Variants in PLPPR1 observed in about 807,000 individuals in gnomAD.
PLPPR1 encodes phospholipid phosphatase related 1.
PLPPR1 carries 10 observed loss-of-function variants against 33.1 expected under a neutral mutation model. The ratio of observed to expected loss-of-function variants is 0.30; its 90% confidence interval spans 0.19 to 0.51. The LOEUF (loss-of-function observed/expected upper bound fraction) is 0.51. PLPPR1 is among the 20% of genes least tolerant of loss of function. The probability of loss-of-function intolerance (pLI) is 0.97; values close to 1 mark genes in which losing one functional copy is unlikely to be tolerated. For synonymous variants in PLPPR1, 151 were observed against 151.0 expected, an observed-to-expected ratio of 1.00 and a Z score of 0.00; for missense variants, 304 against 408.1, an observed-to-expected ratio of 0.74 and a Z score of 2.20.
intron 1 of PLPPR1, among the ~76,000 whole-genome samples, chr9:101,063,089 TGAG>T (rs1375164723): frequency 1.3e-5 from 2 of 152,062 alleles, no homozygotes; most frequent in East Asian, 3.9e-4. Context: ...GTGAGATATT[TGAG>T]GAGATTATGT....
At position 101,296,313 on chromosome 9, in the gene PLPPR1, G is replaced by A. The variant is rs552043608; in HGVS notation, c.385+10077G>A. On this transcript the variant is annotated intron_variant, in intron 4 of 7. Coordinates refer to ENST00000374874, the MANE Select transcript of PLPPR1 (RefSeq NM_207299.2). ...GTCAGGAAACAACAGGTGCTGGAGA[G>A]GATGTGCAGAAATAGGAACACTTTT... is the stretch of plus-strand genomic sequence containing the variant. Among the ~76,000 whole-genome samples the A allele has an allele frequency of 6.4e-3, 972 of 151,984 alleles. 10 individuals carry two copies. The highest frequency in any genetic ancestry group is 0.023 in the African/African-American group (929 of 41,274).
At chr9:101,066,480 A>G (rs1830416413) in intron 1 of PLPPR1, among the ~76,000 whole-genome samples, 1 of 151,922 alleles carries the variant, frequency 6.6e-6, no homozygotes, top group Non-Finnish European at 1.5e-5. Flanking sequence ...GGGGAGTATC[A>G]ATTTAAGTTA....
At chr9:101,320,996 G>C (rs903535793) in intron 7 of PLPPR1, among the ~76,000 whole-genome samples, 6 of 152,088 alleles carry the variant, frequency 3.9e-5, no homozygotes, top group African/African-American at 1.4e-4. Flanking sequence ...TGCTACAGGG[G>C]GCTGGTATAC....
intron 2 of PLPPR1, among the ~76,000 whole-genome samples, chr9:101,251,239 T>C (rs922604234): frequency 7.2e-5 from 11 of 152,090 alleles, no homozygotes; most frequent in Non-Finnish European, 1.2e-4. Context: ...CTGCCTGGCA[T>C]ATAGTAGGTG....
At chr9:101,151,096 T>C (rs988665896) in intron 1 of PLPPR1, among the ~76,000 whole-genome samples, 1 of 152,144 alleles carries the variant, frequency 6.6e-6, no homozygotes, top group Non-Finnish European at 1.5e-5. Context: ...TTTACATCTT[T>C]AAGCAAAGGT....
At chr9:101,140,757 G>T (rs1176669349) in intron 1 of PLPPR1, among the ~76,000 whole-genome samples, 1 of 152,178 alleles carries the variant, frequency 6.6e-6, no homozygotes, top group Admixed American at 6.5e-5. Flanking sequence ...TGGGGAGGAT[G>T]ATTTTTGTGA....
chr9:101,158,373 G>C (rs1479674369), intron 1 of PLPPR1, among the ~76,000 whole-genome samples: 4 of 152,162 alleles, frequency 2.6e-5, no homozygotes, highest in Admixed American at 2.6e-4. Context: ...GAGAGAGTGA[G>C]ATGGAAGGTG....
At position 101,208,444 on chromosome 9, in the gene PLPPR1, G is replaced by A. The variant is rs181062835; in HGVS notation, c.63+22887G>A. ...TTAACATCCTAGGCTTTGCATTTTC[G>A]TCAATTTGTGCTGATGTCTCTGTAA... On this transcript the variant is annotated intron_variant, in intron 2 of 7. Transcript: ENST00000374874. Among the ~76,000 whole-genome samples the A allele has an allele frequency of 1.9e-3, 294 of 152,240 alleles. 6 individuals are homozygous for A. In the South Asian group the frequency reaches 0.046, roughly 24 times the overall value.
chr9:101,237,454 TCGTG>T (rs1827325095), intron 2 of PLPPR1, among the ~76,000 whole-genome samples: 1 of 130,480 alleles, frequency 7.7e-6, no homozygotes, highest in Admixed American at 7.0e-5. Flanking sequence ...TAAAGAAAGG[TCGTG>T]TGTGTGTGTG....
intron 1 of PLPPR1, among the ~76,000 whole-genome samples, chr9:101,151,160 A>C (rs1225168338): frequency 6.6e-6 from 1 of 152,170 alleles, no homozygotes; most frequent in African/African-American, 2.4e-5. Flanking sequence ...CCATGTGTGG[A>C]TTATAGAAAA....
chr9:101,160,378 G>A (rs1422956266), intron 1 of PLPPR1, among the ~76,000 whole-genome samples: 2 of 152,150 alleles, frequency 1.3e-5, no homozygotes, highest in African/African-American at 2.4e-5. Flanking sequence ...ATGTAACTCT[G>A]CCTGGCAGAT....
intron 1 of PLPPR1, among the ~76,000 whole-genome samples, chr9:101,112,859 A>T (rs550420468): frequency 6.6e-6 from 1 of 152,344 alleles, no homozygotes; most frequent in Non-Finnish European, 1.5e-5. Flanking sequence ...TTTATGTCAA[A>T]ATAAACCCAG....
intron 1 of PLPPR1, among the ~76,000 whole-genome samples, chr9:101,051,864 T>C (rs1329591685): frequency 6.6e-6 from 1 of 152,208 alleles, no homozygotes; most frequent in Non-Finnish European, 1.5e-5. Flanking sequence ...GCAGGCTTTC[T>C]TTTTGCCTAC....
intron 1 of PLPPR1, among the ~76,000 whole-genome samples, chr9:101,066,715 C>T (rs1368345627): frequency 6.6e-6 from 1 of 151,966 alleles, no homozygotes; most frequent in Non-Finnish European, 1.5e-5. Flanking sequence ...TCTTTGGGCA[C>T]TTCCTTACTT....
intron 2 of PLPPR1, among the ~76,000 whole-genome samples, chr9:101,242,293 A>G (rs117938445): frequency 0.018 from 2,727 of 149,168 alleles, 33 homozygotes; most frequent in Middle Eastern, 0.086. Context: ...ATACCCTTTT[A>G]ATCCCATGCT....
intron 2 of PLPPR1, among the ~76,000 whole-genome samples, chr9:101,199,341 A>G (rs534040825): frequency 6.6e-6 from 1 of 152,334 alleles, no homozygotes; most frequent in Non-Finnish European, 1.5e-5. Flanking sequence ...GCTTTAGTTT[A>G]TCTGCTAGTC....
chr9:101,071,262 G>T (rs2486364), intron 1 of PLPPR1, among the ~76,000 whole-genome samples: 86,027 of 151,960 alleles, frequency 0.57, 24,432 homozygotes, highest in Non-Finnish European at 0.6. Context: ...TAGGTTTCTG[G>T]TTTAGGCAAC....
At chr9:101,231,713 A>C (rs1588085343) in intron 2 of PLPPR1, among the ~76,000 whole-genome samples, 1 of 152,202 alleles carries the variant, frequency 6.6e-6, no homozygotes, top group South Asian at 2.1e-4. Context: ...CAATAATAAA[A>C]CCCATATATT....
intron 1 of PLPPR1, 190 bp from the exon 2 acceptor site, chr9:101,185,247 CTATTCATGGCAAG>C: frequency 2.5e-6 from 1 of 402,554 alleles, no homozygotes; most frequent in Middle Eastern, 5.9e-4. Context: ...GGCTGTAAAA[CTATTCATGGCAAG>C]TATATATTAT....
Sources: allele counts gnomAD v4.1 joint callset (sites outside exome capture counted in the v4.1 genomes callset), GRCh38; gene constraint gnomAD v4.1.1; transcripts MANE v1.5; gene names NCBI Gene and HGNC (gene_info 2026-07-23, HGNC 2026-07-21).